The following SASH1 variants were observed in gnomAD, a reference collection of about 807,000 sequenced individuals.
SASH1 encodes the protein SAM and SH3 domain-containing protein 1.
SASH1 carries 44 observed loss-of-function variants against 125.2 expected under a neutral mutation model. The observed-to-expected ratio is 0.35, with a 90% CI of 0.28 to 0.45. SASH1 has a LOEUF of 0.45. SASH1 is among the 20% of genes least tolerant of loss of function. SASH1 has a pLI of 1.00. For missense variants in SASH1, 1,426 were observed against 1,614.5 expected (o/e 0.88, Z 2.00); for synonymous variants, 639 against 649.1 (o/e 0.98, Z 0.24).
intron 7 of SASH1, among the ~76,000 whole-genome samples, chr6:148,474,620 G>A (rs1219633438): frequency 6.6e-6 from 1 of 152,188 alleles, no homozygotes; most frequent in Non-Finnish European, 1.5e-5. Flanking sequence ...TGCCCAGACT[G>A]TAGTGCAGTG....
intron 1 of SASH1, chr6:148,379,958 C>T (rs1362189711): frequency 4.4e-6 from 2 of 456,464 alleles, no homozygotes; most frequent in African/African-American, 2.0e-5. Flanking sequence ...TCGTGTGCAG[C>T]CATTTGTGAG....
At position 148,533,656 on chromosome 6, in the gene SASH1, G is replaced by A. The variant is rs556431294; in HGVS notation, c.1735-115G>A. ...TCAGAGGGGTGACTTGTGGGACCCCGATTCTGGCCTTTGTGGCATCTTCAC... is the reference window on the plus strand; with the variant it reads ...TCAGAGGGGTGACTTGTGGGACCCCAATTCTGGCCTTTGTGGCATCTTCAC... On this transcript the variant is annotated intron_variant, in intron 14 of 19. Coordinates refer to ENST00000367467, the MANE Select transcript of SASH1 (RefSeq NM_015278.5). The surrounding 1 kb of genome is among the most constrained non-coding windows in gnomAD (Gnocchi z 6.2). 1.9e-5 allele frequency: 19 copies of A among 984,548 alleles called. No individual in the cohort carries two copies. The highest frequency in any genetic ancestry group is 3.3e-4 in the Middle Eastern group (1 of 3,028). 61.0% of individuals were successfully genotyped at this position (984,548 alleles called of 1,614,324 possible).
At chr6:148,268,730 A>T (rs754966007), upstream of SASH1, among the ~76,000 whole-genome samples, 1 of 152,212 alleles carries the variant, frequency 6.6e-6, no homozygotes, top group Non-Finnish European at 1.5e-5. Flanking sequence ...TCCAGCCTTC[A>T]TCTCAGCTTT....
the SASH1 span, among the ~76,000 whole-genome samples, chr6:148,202,533 A>G: frequency 1.3e-5 from 2 of 152,252 alleles, no homozygotes; most frequent in South Asian, 4.1e-4. Context: ...AAGTCTTGGA[A>G]GGCAATGACC....
the SASH1 span, among the ~76,000 whole-genome samples, chr6:148,227,264 G>A: frequency 2.7e-3 from 410 of 152,298 alleles, 3 homozygotes; most frequent in Non-Finnish European, 4.9e-3. Context: ...AATTCCTGGA[G>A]AGAAGAGACT....
At chr6:148,508,522 A>G in intron 8 of SASH1, 1 of 1,026,822 alleles carries the variant, frequency 9.7e-7, no homozygotes, top group Non-Finnish European at 1.2e-6. Flanking sequence ...ATTGTTGGCC[A>G]TGCACAACAC....
intron 12 of SASH1, among the ~76,000 whole-genome samples, chr6:148,530,593 C>G (rs919101778): frequency 6.6e-6 from 1 of 152,170 alleles, no homozygotes; most frequent in African/African-American, 2.4e-5. Context: ...TAAGGCCCTT[C>G]TGATGACTCG....
chr6:148,311,942 G>A (rs773637314), intron 1 of SASH1, among the ~76,000 whole-genome samples: 27 of 152,174 alleles, frequency 1.8e-4, no homozygotes, highest in Non-Finnish European at 1.5e-5. Flanking sequence ...TCCCCACAGT[G>A]GAATACGGCT....
the SASH1 span, among the ~76,000 whole-genome samples, chr6:148,205,865 C>T: frequency 6.6e-6 from 1 of 152,168 alleles, no homozygotes; most frequent in East Asian, 1.9e-4. Context: ...TGCCCTCCTG[C>T]TCAAATCCAG....
the SASH1 span, among the ~76,000 whole-genome samples, chr6:148,250,477 A>G: frequency 6.6e-6 from 1 of 151,968 alleles, no homozygotes; most frequent in African/African-American, 2.4e-5. Context: ...TATATTTGAG[A>G]GAAGAGTGCT....
chr6:148,480,385 C>G (rs1480759667), intron 7 of SASH1: 2 of 150,244 alleles, frequency 1.3e-5, no homozygotes, highest in Non-Finnish European at 3.0e-5. Flanking sequence ...AAAGTTAAGA[C>G]TTAGACTTCC....
chr6:148,414,790 T>C (rs1346418027), intron 2 of SASH1, among the ~76,000 whole-genome samples: 3 of 152,152 alleles, frequency 2.0e-5, no homozygotes, highest in Admixed American at 6.5e-5. Context: ...CTCAGCCTCC[T>C]GAGTAACTGG....
the SASH1 span, among the ~76,000 whole-genome samples, chr6:148,211,087 A>C: frequency 6.6e-6 from 1 of 152,228 alleles, no homozygotes; most frequent in Non-Finnish European, 1.5e-5. Flanking sequence ...CGAATTGTGG[A>C]TATCAGATTT....
At position 148,452,942 on chromosome 6, in the gene SASH1, C is replaced by T. The variant is rs149762211; in HGVS notation, c.386+12535C>T. Among the ~76,000 whole-genome samples, 661 of 152,328 alleles carry T rather than the reference C, an allele frequency of 4.3e-3. 3 individuals carry two copies. The highest frequency in any genetic ancestry group is 0.01 in the Middle Eastern group (3 of 294). On this transcript the variant is annotated intron_variant, in intron 4 of 19. Transcript: ENST00000367467. ...TGCAGTAGCAATGCGCTGAAGCGTG[C>T]GTTTGTGCAGGCATAACTGCGTCCA... is the stretch of plus-strand genomic sequence containing the variant.
At chr6:148,404,244 A>G (rs1784286156) in intron 2 of SASH1, among the ~76,000 whole-genome samples, 1 of 152,232 alleles carries the variant, frequency 6.6e-6, no homozygotes, top group African/African-American at 2.4e-5. Context: ...TGCCTTTATT[A>G]CAGAATGAAC....
intron 1 of SASH1, among the ~76,000 whole-genome samples, chr6:148,290,098 C>A (rs1001120379): frequency 6.6e-6 from 1 of 150,846 alleles, no homozygotes; most frequent in Non-Finnish European, 1.5e-5. Context: ...AAACTCCTGA[C>A]CTCAGTTGAT....
At chr6:148,522,982 G>C (rs764381268) in intron 10 of SASH1, among the ~76,000 whole-genome samples, 1 of 152,178 alleles carries the variant, frequency 6.6e-6, no homozygotes, top group Non-Finnish European at 1.5e-5. Flanking sequence ...AGATATCTTA[G>C]CCTATCACTG....
At chr6:148,270,801 A>G (rs978687010), upstream of SASH1, among the ~76,000 whole-genome samples, 1 of 152,162 alleles carries the variant, frequency 6.6e-6, no homozygotes, top group Non-Finnish European at 1.5e-5. Flanking sequence ...CTTTACAAAT[A>G]AGGAAATGGT....
At chr6:148,487,776 A>G (rs540985855) in intron 8 of SASH1, 61 bp downstream of exon 8, 8 of 1,214,864 alleles carry the variant, frequency 6.6e-6, no homozygotes, top group African/African-American at 1.5e-5. Flanking sequence ...AGTCTTCACC[A>G]TTTTAGTCTT....
Sources: gnomAD v4.1 joint callset for allele counts (sites outside exome capture counted in the v4.1 genomes callset) on GRCh38, gnomAD v4.1.1 for gene constraint, Gnocchi (gnomAD v3.1) non-coding constraint, MANE v1.5 for transcripts, NCBI Gene and HGNC (gene_info 2026-07-23, HGNC 2026-07-21) for gene names.